Variants in GLIS1 observed in about 807,000 individuals in gnomAD.
The protein encoded by GLIS1 is GLIS family zinc finger 1, also known as zinc finger protein GLIS1.
In GLIS1, 24 loss-of-function variants were observed where a neutral mutation model predicts 63.8. The ratio of observed to expected loss-of-function variants is 0.38; its 90% CI spans 0.27 to 0.53. The LOEUF (loss-of-function observed/expected upper bound fraction) is 0.53. Among genes scored for constraint, GLIS1 ranks in the 20% least tolerant of loss-of-function variants. The pLI, the probability that GLIS1 is intolerant of heterozygous loss-of-function variation, is 0.85. For synonymous variants in GLIS1, 450 were observed against 482.5 expected (o/e 0.93, Z 0.88); for missense variants, 1,036 against 1,074.1 (o/e 0.96, Z 0.50).
At chr1:53,592,462 T>C (rs973412431) in intron 4 of GLIS1, among the ~76,000 whole-genome samples, 7 of 152,052 alleles carry the variant, frequency 4.6e-5, no homozygotes, top group Admixed American at 2.6e-4. Context: ...AAAGAGAATA[T>C]GTGAAGGAGA....
At chr1:53,579,832 T>TGCCGCTCAGCCA (rs1553125835) in intron 4 of GLIS1, among the ~76,000 whole-genome samples, 1 of 152,206 alleles carries the variant, frequency 6.6e-6, no homozygotes, top group Non-Finnish European at 1.5e-5. Flanking sequence ...CAGACCTCCC[T>TGCCGCTCAGCCA]GCCGCTCAGC....
rs764562880 is a variant in GLIS1, at chr1:53,560,995, G to A, written c.1321-31043C>T. Among the ~76,000 whole-genome samples, 18 of 152,106 alleles carry A rather than the reference G, an allele frequency of 1.2e-4. No individual in the cohort carries two copies. Among genetic ancestry groups the A allele is most frequent in the Admixed American group, 4.6e-4 (7 of 15,276 alleles). On this transcript the variant is annotated intron_variant, in intron 4 of 10. Coordinates refer to ENST00000628545, the MANE Select transcript of GLIS1 (RefSeq NM_001367484.1). The surrounding 1 kb of genome is among the most constrained non-coding windows in gnomAD (Gnocchi z 4.4). ...CTTCAGGATCTCCAATGTGCGCTCC[G>A]GGACCAAGCCCCTACTGTGTGCCCC...
intron 2 of GLIS1, among the ~76,000 whole-genome samples, chr1:53,661,962 G>A (rs1305053051): frequency 6.6e-6 from 1 of 152,208 alleles, no homozygotes; most frequent in Non-Finnish European, 1.5e-5. Flanking sequence ...AGGGAGGGAT[G>A]GAGGGCCATA....
At chr1:53,738,149 G>C in intron 1 of GLIS1, 43 bp from the exon 2 acceptor site, 2 of 1,152,470 alleles carry the variant, frequency 1.7e-6, no homozygotes. Context: ...TGCGGAAAGC[G>C]GCCCCCGTAT....
chr1:53,578,789 A>G (rs1645056621), intron 4 of GLIS1, among the ~76,000 whole-genome samples: 1 of 152,264 alleles, frequency 6.6e-6, no homozygotes, highest in African/African-American at 2.4e-5. Flanking sequence ...ATGGAAAACA[A>G]TAACTCAATG....
intron 10 of GLIS1, among the ~76,000 whole-genome samples, chr1:53,507,119 T>C (rs938732736): frequency 6.6e-6 from 1 of 152,086 alleles, no homozygotes; most frequent in African/African-American, 2.4e-5. Flanking sequence ...GCCCTTGCCC[T>C]CAGGGGCTGG....
intron 3 of GLIS1, among the ~76,000 whole-genome samples, chr1:53,596,092 C>A (rs1246109645): frequency 6.6e-6 from 1 of 152,230 alleles, no homozygotes; most frequent in African/African-American, 2.4e-5. Flanking sequence ...CCCATGAGAG[C>A]GAGGGTGGTG....
chr1:53,669,249 G>A (rs940741617), intron 2 of GLIS1, among the ~76,000 whole-genome samples: 81 of 152,186 alleles, frequency 5.3e-4, no homozygotes, highest in Non-Finnish European at 6.6e-4. Flanking sequence ...ACCTGGACAC[G>A]GAGATGTGCA....
chr1:53,621,819 A>T (rs868080251), intron 2 of GLIS1, among the ~76,000 whole-genome samples: 28 of 149,218 alleles, frequency 1.9e-4, no homozygotes, highest in Middle Eastern at 3.5e-3. Flanking sequence ...ATACAGAAAA[A>T]TTTTTTTTTT....
At chr1:53,714,228 T>A (rs917417008) in intron 2 of GLIS1, among the ~76,000 whole-genome samples, 1 of 152,152 alleles carries the variant, frequency 6.6e-6, no homozygotes, top group African/African-American at 2.4e-5. Flanking sequence ...GAGTCTCAGC[T>A]CCTTCAGCTG....
At chr1:53,554,825 C>T (rs1403069891) in intron 4 of GLIS1, among the ~76,000 whole-genome samples, 4 of 152,228 alleles carry the variant, frequency 2.6e-5, no homozygotes, top group African/African-American at 9.6e-5. Flanking sequence ...CTGCCCTCGA[C>T]ACACCCCCTG....
chr1:53,650,861 A>C (rs1040084171), intron 2 of GLIS1, among the ~76,000 whole-genome samples: 3 of 152,192 alleles, frequency 2.0e-5, no homozygotes, highest in Non-Finnish European at 4.4e-5. Context: ...TTTGGCTGGC[A>C]CTGGCCTAAT....
rs12025849 is a variant in GLIS1 at position 53,679,378 on chromosome 1, G to A, written c.259+58428C>T. Among the ~76,000 whole-genome samples, 2,911 of 152,330 alleles carry A rather than the reference G, an allele frequency of 0.019. 135 individuals are homozygous for A. In the East Asian group the frequency reaches 0.22, roughly 11 times the overall value. ...TACTGTTTGTTTACTGAGACAATCCGAGTTGGGTTTCAGATGAAAGTAGGA... is the reference window on the plus strand; with the variant it reads ...TACTGTTTGTTTACTGAGACAATCCAAGTTGGGTTTCAGATGAAAGTAGGA... On this transcript the variant is annotated intron_variant, in intron 2 of 10. Coordinates refer to ENST00000628545, the MANE Select transcript of GLIS1 (RefSeq NM_001367484.1).
chr1:53,539,528 ACAT>A lies in GLIS1; in HGVS notation c.1321-9579_1321-9577del, dbSNP rs1402504255. ...CATACACACACCACACCACACACAC[ACAT>A]ACCACACGGTATACACCCCCCCACA... On this transcript the variant is annotated intron_variant, in intron 4 of 10. Coordinates refer to ENST00000628545, the MANE Select transcript of GLIS1 (RefSeq NM_001367484.1). The surrounding 1 kb of genome is among the most constrained non-coding windows in gnomAD (Gnocchi z 5.0). Among the ~76,000 whole-genome samples, 1 of 106,934 alleles carries A rather than the reference ACAT, an allele frequency of 9.4e-6. No individual in the cohort carries two copies. The highest frequency in any genetic ancestry group is 2.0e-5 in the Non-Finnish European group (1 of 50,060). The allele number at this position is 106,934 out of a possible 152,430, so 70.2% of individuals were successfully genotyped here.
chr1:53,523,416 G>A (rs1329752457), intron 6 of GLIS1, among the ~76,000 whole-genome samples: 1 of 152,164 alleles, frequency 6.6e-6, no homozygotes, highest in Non-Finnish European at 1.5e-5. Flanking sequence ...TGAGGCAGCT[G>A]CTTCCTCCAG....
chr1:53,520,824 C>A, intron 6 of GLIS1, 58 bp from the exon 7 acceptor site: 2 of 1,526,684 alleles, frequency 1.3e-6, no homozygotes, highest in Non-Finnish European at 8.8e-7. Context: ...CCACCAGCAA[C>A]CCTCACGTTA....
intron 2 of GLIS1, among the ~76,000 whole-genome samples, chr1:53,683,862 G>A (rs552522091): frequency 1.3e-5 from 2 of 152,282 alleles, no homozygotes; most frequent in African/African-American, 4.8e-5. Flanking sequence ...GGACTAGAAG[G>A]ATGAGGGCTT....
intron 4 of GLIS1, among the ~76,000 whole-genome samples, chr1:53,536,805 G>A (rs535176666): frequency 4.1e-4 from 63 of 152,268 alleles, no homozygotes; most frequent in Admixed American, 2.4e-3. Flanking sequence ...CAGAGCTGAC[G>A]CTGGGAAGGG....
At chr1:53,599,293 T>G (rs1012639369) in intron 3 of GLIS1, among the ~76,000 whole-genome samples, 12 of 152,216 alleles carry the variant, frequency 7.9e-5, no homozygotes, top group African/African-American at 2.9e-4. Flanking sequence ...CTCTGCCTCA[T>G]GTATGGATGA....
Sources: gnomAD v4.1 joint callset for allele counts (sites outside exome capture counted in the v4.1 genomes callset) on GRCh38, gnomAD v4.1.1 for gene constraint, Gnocchi (gnomAD v3.1) non-coding constraint, MANE v1.5 for transcripts, NCBI Gene and HGNC (gene_info 2026-07-23, HGNC 2026-07-21) for gene names.